Variants in RSU1 observed in about 807,000 individuals in gnomAD.
RSU1 encodes rsu-1.
Under a neutral mutation model 31.1 loss-of-function variants are expected in RSU1, and 26 were observed. That is an observed-to-expected ratio of 0.84 (90% CI 0.61 to 1.16). RSU1 has a LOEUF of 1.16. Ranked by LOEUF, RSU1 falls within the 50% of genes most tolerant of loss-of-function variation. RSU1 has a pLI of 0.00. For synonymous variants in RSU1, 164 were observed against 136.3 expected (o/e 1.20, Z -1.41); for missense variants, 320 against 339.1 (o/e 0.94, Z 0.44).
chr10:16,599,048 C>T (rs1010461470), intron 8 of RSU1, among the ~76,000 whole-genome samples: 10 of 152,180 alleles, frequency 6.6e-5, no homozygotes, highest in East Asian at 3.9e-4. Flanking sequence ...CTTGCTACTA[C>T]GAACTGGCTG....
At chr10:16,634,770 T>C (rs1213520117) in intron 8 of RSU1, among the ~76,000 whole-genome samples, 1 of 152,188 alleles carries the variant, frequency 6.6e-6, no homozygotes, top group Non-Finnish European at 1.5e-5. Flanking sequence ...CCTAAGGAAA[T>C]TGAGTCCATG....
At chr10:16,702,538 T>A (rs1302416934) in intron 7 of RSU1, among the ~76,000 whole-genome samples, 1 of 152,168 alleles carries the variant, frequency 6.6e-6, no homozygotes, top group Non-Finnish European at 1.5e-5. Context: ...TCAAGGGAGA[T>A]AATTTTGATG....
chr10:16,727,285 A>G, intron 7 of RSU1: 1 of 342,822 alleles, frequency 2.9e-6, no homozygotes, highest in Non-Finnish European at 6.0e-6. Context: ...GCAAATGGAC[A>G]CAAATCCTCC....
intron 8 of RSU1, among the ~76,000 whole-genome samples, chr10:16,689,953 G>A (rs906316614): frequency 6.6e-6 from 1 of 152,214 alleles, no homozygotes; most frequent in African/African-American, 2.4e-5. Flanking sequence ...TCTTTCAAGG[G>A]AAGCATTTCC....
At chr10:16,769,283 G>A (rs1274393564) in intron 3 of RSU1, among the ~76,000 whole-genome samples, 1 of 152,162 alleles carries the variant, frequency 6.6e-6, no homozygotes, top group Non-Finnish European at 1.5e-5. Context: ...GTATGTTCTG[G>A]GCTGGGCTTT....
chr10:16,623,683 T>C (rs1209817082), intron 8 of RSU1, among the ~76,000 whole-genome samples: 1 of 152,162 alleles, frequency 6.6e-6, no homozygotes, highest in East Asian at 1.9e-4. Flanking sequence ...CTCGCCAGCA[T>C]GTTGTTTTTT....
chr10:16,663,921 G>A (rs1181458834), intron 8 of RSU1, among the ~76,000 whole-genome samples: 1 of 152,156 alleles, frequency 6.6e-6, no homozygotes, highest in Non-Finnish European at 1.5e-5. Flanking sequence ...TAAGAAAAGA[G>A]TGCTGGGTAG....
intron 4 of RSU1, among the ~76,000 whole-genome samples, chr10:16,758,046 C>T (rs1037129932): frequency 6.6e-6 from 1 of 152,196 alleles, no homozygotes; most frequent in African/African-American, 2.4e-5. Flanking sequence ...TACTTAATTG[C>T]AGATTCCTTT....
rs1397109193 is a variant in RSU1, at chr10:16,817,142, G to A, written c.-3-58C>T. On this transcript the variant is annotated intron_variant, in intron 1 of 8. Coordinates refer to ENST00000345264, the MANE Select transcript of RSU1 (RefSeq NM_012425.4). ...TGACAGCAAGCGCAGAGGCGGAAAGGCAAGAGGCCTTCGCTGCCACTCTGA... is the reference window on the plus strand; with the variant it reads ...TGACAGCAAGCGCAGAGGCGGAAAGACAAGAGGCCTTCGCTGCCACTCTGA... The A allele has an allele frequency of 5.5e-6, 7 of 1,261,318 alleles. No homozygotes were observed. The South Asian group carries it at 6.0e-5, about 11-fold the overall frequency. 78.1% of individuals were successfully genotyped at this position (1,261,318 alleles called of 1,614,324 possible).
chr10:16,817,148 G>C (rs1838556929), intron 1 of RSU1, 64 bp from the exon 2 acceptor site: 6 of 1,166,332 alleles, frequency 5.1e-6, no homozygotes, highest in Non-Finnish European at 7.7e-6. Context: ...AAAGGCAAGA[G>C]GCCTTCGCTG....
intron 2 of RSU1, among the ~76,000 whole-genome samples, chr10:16,793,617 G>A (rs562988990): frequency 6.6e-6 from 1 of 152,166 alleles, no homozygotes; most frequent in East Asian, 1.9e-4. Context: ...GAATTAAAGA[G>A]AAAAATATAG....
At chr10:16,771,381 G>C (rs948439859) in intron 3 of RSU1, among the ~76,000 whole-genome samples, 6 of 152,104 alleles carry the variant, frequency 3.9e-5, no homozygotes, top group African/African-American at 9.7e-5. Context: ...ATATGACATG[G>C]GGCATCCATG....
chr10:16,743,423 C>G (rs1836789489), intron 7 of RSU1, among the ~76,000 whole-genome samples: 1 of 152,190 alleles, frequency 6.6e-6, no homozygotes, highest in Non-Finnish European at 1.5e-5. Flanking sequence ...CTCTCCTTGC[C>G]TACATTATAC....
rs1400328932 is a variant in RSU1, at chr10:16,597,712, C to T, written c.732-4216G>A. On this transcript the variant is annotated intron_variant, in intron 8 of 8. Transcript: ENST00000345264. ...TTACCTTCCTTCTTTAGGGCTGTTT[C>T]CCCTGCAAAATAACAGGGTATTTTC... Among the ~76,000 whole-genome samples the T allele has an allele frequency of 2.0e-5, 3 of 152,186 alleles. No individual in the cohort carries two copies. The East Asian group carries it at 5.8e-4, about 29-fold the overall frequency.
At chr10:16,597,948 G>A (rs757318538) in intron 8 of RSU1, among the ~76,000 whole-genome samples, 8 of 152,202 alleles carry the variant, frequency 5.3e-5, no homozygotes, top group East Asian at 1.9e-4. Context: ...ATAAGTGGCC[G>A]TTTTCACAGG....
At chr10:16,799,418 C>G (rs1209054173) in intron 2 of RSU1, among the ~76,000 whole-genome samples, 2 of 152,152 alleles carry the variant, frequency 1.3e-5, no homozygotes, top group East Asian at 3.9e-4. Flanking sequence ...AGCAGAAATA[C>G]CTGCTGGAGC....
chr10:16,652,467 C>T (rs1834704256), intron 8 of RSU1, among the ~76,000 whole-genome samples: 1 of 144,188 alleles, frequency 6.9e-6, no homozygotes, highest in African/African-American at 2.5e-5. Context: ...ATTTCCCAAA[C>T]TTTCCAGGAT....
At position 16,622,367 on chromosome 10, in the gene RSU1, T is replaced by A. The variant is rs570702044; in HGVS notation, c.732-28871A>T. ...AGAGAACTGTGCTTGTAACAATATA[T>A]TCAGGGATTTCAGAACCATTGCATT... On this transcript the variant is annotated intron_variant, in intron 8 of 8. Coordinates refer to ENST00000345264, the MANE Select transcript of RSU1 (RefSeq NM_012425.4). 2.0e-5 allele frequency among the ~76,000 whole-genome samples: 3 copies of A among 152,316 alleles called. No individual in the cohort carries two copies. In the South Asian group the frequency reaches 6.2e-4, roughly 32 times the overall value.
rs1564357401 is a variant in RSU1 at position 16,785,513 on chromosome 10, T to TATATATATATATATATACACATATAC, written c.110-3430_110-3429insGTATATGTGTATATATATATATATAT. ...ACATATATATATACACATATATACATATATATATATATAATATTAGTTCTT... is the reference window on the plus strand; with the variant it reads ...ACATATATATATACACATATATACATATATATATATATATATACACATATACATATATATATATAATATTAGTTCTT... On this transcript the variant is annotated intron_variant, in intron 2 of 8. Transcript: ENST00000345264. 8.2e-5 allele frequency among the ~76,000 whole-genome samples: 10 copies of TATATATATATATATATACACATATAC among 121,822 alleles called. No individual in the cohort carries two copies. The South Asian group carries it at 9.9e-4, about 12-fold the overall frequency. The allele number at this position is 121,822 out of a possible 152,430, so 79.9% of individuals were successfully genotyped here.
Sources: gnomAD v4.1 joint callset for allele counts (sites outside exome capture counted in the v4.1 genomes callset) on GRCh38, gnomAD v4.1.1 for gene constraint, MANE v1.5 for transcripts, NCBI Gene and HGNC (gene_info 2026-07-23, HGNC 2026-07-21) for gene names.